DOCK1: variants seen among roughly 807,000 people sequenced by gnomAD.
DOCK1 encodes the protein dedicator of cytokinesis 1, also known as dedicator of cytokinesis protein 1.
In DOCK1, 138 loss-of-function variants were observed where a neutral mutation model predicts 262.7. The observed-to-expected ratio is 0.53, with a 90% CI of 0.46 to 0.61. DOCK1 has a LOEUF of 0.61. Among genes scored for constraint, DOCK1 ranks in the 20% least tolerant of loss-of-function variants. The pLI is 0.00. For synonymous variants in DOCK1, 866 were observed against 867.4 expected (o/e 1.00, Z 0.03); for missense variants, 1,908 against 2,370.7 (o/e 0.80, Z 4.05).
chr10:126,919,691 C>CT (rs746630418), intron 1 of DOCK1, among the ~76,000 whole-genome samples: 83 of 152,306 alleles, frequency 5.4e-4, no homozygotes, highest in Non-Finnish European at 8.2e-4. Flanking sequence ...GCTGGATGAC[C>CT]CCCCGATCCC....
rs567006842 is a variant in DOCK1 at position 127,101,352 on chromosome 10, G to C, written c.2446-4879G>C. ...CAGGTGGACCCACAGTGTAAGACGT[G>C]CCTCTCCTCATGTTTCTTCTGAATT... On this transcript the variant is annotated intron_variant, in intron 23 of 51. Coordinates refer to ENST00000623213, the MANE Select transcript of DOCK1 (RefSeq NM_001290223.2). Among the ~76,000 whole-genome samples the C allele has an allele frequency of 9.9e-5, 15 of 152,226 alleles. No homozygotes were observed. The East Asian group carries it at 2.7e-3, about 27-fold the overall frequency.
At chr10:127,045,147 G>A (rs941853187) in intron 21 of DOCK1, among the ~76,000 whole-genome samples, 4 of 139,138 alleles carry the variant, frequency 2.9e-5, no homozygotes, top group Admixed American at 8.0e-5. Context: ...GCAGTGAGCC[G>A]AGATCGTGCC....
chr10:126,965,002 A>G (rs1307063652), intron 1 of DOCK1, among the ~76,000 whole-genome samples: 6 of 152,204 alleles, frequency 3.9e-5, no homozygotes, highest in Admixed American at 3.9e-4. Context: ...GAGTGCCTGC[A>G]AGGTATGGTT....
intron 27 of DOCK1, among the ~76,000 whole-genome samples, chr10:127,224,658 C>T (rs2058570382): frequency 6.6e-6 from 1 of 151,444 alleles, no homozygotes; most frequent in Admixed American, 6.6e-5. Context: ...AGGTTAAGGC[C>T]GTGGTGAGCT....
chr10:127,046,359 A>G, intron 21 of DOCK1, among the ~76,000 whole-genome samples: 1 of 152,188 alleles, frequency 6.6e-6, no homozygotes, highest in East Asian at 1.9e-4. Context: ...CCTCTTCAGA[A>G]CAGCGAGCAG....
chr10:127,141,675 A>C (rs2051264437), intron 27 of DOCK1, among the ~76,000 whole-genome samples: 1 of 151,252 alleles, frequency 6.6e-6, no homozygotes, highest in Non-Finnish European at 1.5e-5. Context: ...TGTCTTTAAA[A>C]CAAAAAAAAA....
intron 29 of DOCK1, among the ~76,000 whole-genome samples, chr10:127,331,679 A>G (rs1590502646): frequency 6.6e-6 from 1 of 152,200 alleles, no homozygotes; most frequent in Non-Finnish European, 1.5e-5. Context: ...ATTTCTCAAT[A>G]TTTATCCAAA....
rs1229123218 is a variant in DOCK1, at chr10:127,384,707, C to T, written c.3808-83C>T. The T allele has an allele frequency of 4.2e-6, 6 of 1,430,156 alleles. No homozygotes were observed. In the African/African-American group the frequency reaches 5.8e-5, roughly 14 times the overall value. The allele number at this position is 1,430,156 out of a possible 1,614,324, so 88.6% of individuals were successfully genotyped here. A position where few individuals can be genotyped will look rare whatever the true frequency, so the allele number is the denominator to read the frequency against. On this transcript the variant is annotated intron_variant, in intron 37 of 51. Coordinates refer to ENST00000623213, the MANE Select transcript of DOCK1 (RefSeq NM_001290223.2). Reference sequence around the variant, plus strand: ...TGTCTCCAGAACCGCGGCCCACACGCGTGTCCGATGCGAAGCTCACACCAT... The same window carrying T: ...TGTCTCCAGAACCGCGGCCCACACGTGTGTCCGATGCGAAGCTCACACCAT...
chr10:127,029,807 G>C (rs1434446594), intron 16 of DOCK1, among the ~76,000 whole-genome samples: 2 of 152,168 alleles, frequency 1.3e-5, no homozygotes, highest in African/African-American at 2.4e-5. Flanking sequence ...GCCTTCTGCT[G>C]ACCATTATTG....
intron 27 of DOCK1, among the ~76,000 whole-genome samples, chr10:127,220,516 C>G (rs2058387651): frequency 6.6e-6 from 1 of 151,912 alleles, no homozygotes; most frequent in Non-Finnish European, 1.5e-5. Context: ...TATACTTACA[C>G]TAGAAAAAAT....
chr10:127,259,759 A>G, intron 29 of DOCK1, among the ~76,000 whole-genome samples: 1 of 149,344 alleles, frequency 6.7e-6, no homozygotes, highest in South Asian at 2.1e-4. Context: ...CCCGTTTAGG[A>G]GGGAATAGTC....
intron 12 of DOCK1, 164 bp from the exon 13 acceptor site, chr10:127,018,546 C>A: frequency 1.9e-6 from 2 of 1,068,492 alleles, no homozygotes; most frequent in Admixed American, 2.4e-5. Flanking sequence ...GTCCCCACGA[C>A]AGGCACCTTT....
At chr10:127,321,633 A>G (rs1386457888) in intron 29 of DOCK1, among the ~76,000 whole-genome samples, 3 of 151,416 alleles carry the variant, frequency 2.0e-5, no homozygotes, top group African/African-American at 7.3e-5. Flanking sequence ...CCCACTCCCC[A>G]TGGCTGTGGA....
At chr10:127,385,496 C>T (rs2066060872) in intron 38 of DOCK1, among the ~76,000 whole-genome samples, 1 of 151,972 alleles carries the variant, frequency 6.6e-6, no homozygotes, top group South Asian at 2.1e-4. Flanking sequence ...ATTGGAACTC[C>T]TTCTTTGGTT....
chr10:127,305,892 C>T (rs2061855217), intron 29 of DOCK1, among the ~76,000 whole-genome samples: 1 of 152,176 alleles, frequency 6.6e-6, no homozygotes, highest in Non-Finnish European at 1.5e-5. Flanking sequence ...GCCCCTTAGT[C>T]TGCTGGGTTG....
intron 31 of DOCK1, among the ~76,000 whole-genome samples, chr10:127,350,034 A>G (rs1021510922): frequency 6.6e-6 from 1 of 152,128 alleles, no homozygotes; most frequent in East Asian, 1.9e-4. Context: ...TTTAAAGGGG[A>G]GACAATCCAA....
intron 23 of DOCK1, among the ~76,000 whole-genome samples, chr10:127,103,210 G>A (rs1453066716): frequency 6.6e-6 from 1 of 152,194 alleles, no homozygotes; most frequent in African/African-American, 2.4e-5. Context: ...AGTGTTTGGA[G>A]ATTACAAATA....
At chr10:127,400,564 T>G (rs1287786564) in intron 38 of DOCK1, among the ~76,000 whole-genome samples, 1 of 152,236 alleles carries the variant, frequency 6.6e-6, no homozygotes, top group East Asian at 1.9e-4. Flanking sequence ...CTGTGTGTCC[T>G]TGGCAAGCTA....
intron 29 of DOCK1, among the ~76,000 whole-genome samples, chr10:127,331,072 G>A (rs568854834): frequency 3.3e-5 from 5 of 152,320 alleles, no homozygotes; most frequent in Admixed American, 2.6e-4. Flanking sequence ...AGAGGGAGGG[G>A]GAGTCCACTT....
Sources: gnomAD v4.1 joint callset for allele counts (sites outside exome capture counted in the v4.1 genomes callset) on GRCh38, gnomAD v4.1.1 for gene constraint, MANE v1.5 for transcripts, NCBI Gene and HGNC (gene_info 2026-07-23, HGNC 2026-07-21) for gene names.